The following GRIP1 variants were observed in gnomAD, a reference collection of about 807,000 sequenced individuals.
GRIP1 encodes the protein glutamate receptor-interacting protein 1.
Under a neutral mutation model 129.9 loss-of-function variants are expected in GRIP1, and 45 were observed. The ratio of observed to expected loss-of-function variants is 0.35; its 90% CI spans 0.27 to 0.44. The LOEUF is 0.44. GRIP1 is among the 20% of genes least tolerant of loss of function. GRIP1 has a pLI of 1.00. For missense variants in GRIP1, 1,196 were observed against 1,396.8 expected, an observed-to-expected ratio of 0.86 and a Z score of 2.29; for synonymous variants, 530 against 520.8, an observed-to-expected ratio of 1.02 and a Z score of -0.24.
At chr12:66,379,917 T>C (rs939124724) in intron 19 of GRIP1, among the ~76,000 whole-genome samples, 1 of 152,104 alleles carries the variant, frequency 6.6e-6, no homozygotes, top group Non-Finnish European at 1.5e-5. Flanking sequence ...TTCAAATCTT[T>C]TTTCTTGAGA....
chr12:66,716,490 C>CT (rs563110134), intron 1 of GRIP1, among the ~76,000 whole-genome samples: 146 of 139,296 alleles, frequency 1.0e-3, no homozygotes, highest in Non-Finnish European at 1.6e-3. Context: ...CTTTAGGTTT[C>CT]TTTTTTTTTT....
At chr12:66,949,962 G>C (rs1407009127) in intron 1 of GRIP1, among the ~76,000 whole-genome samples, 1 of 151,196 alleles carries the variant, frequency 6.6e-6, no homozygotes, top group South Asian at 2.1e-4. Flanking sequence ...ATTTTTAGTA[G>C]AGATGGGGTT....
chr12:66,913,481 A>G (rs1592948990), intron 1 of GRIP1, among the ~76,000 whole-genome samples: 1 of 152,244 alleles, frequency 6.6e-6, no homozygotes, highest in East Asian at 1.9e-4. Flanking sequence ...GGTTTTCAGC[A>G]GCAATAATGC....
intron 1 of GRIP1, among the ~76,000 whole-genome samples, chr12:67,021,716 G>A (rs1203878064): frequency 2.0e-5 from 3 of 151,952 alleles, no homozygotes; most frequent in Non-Finnish European, 2.9e-5. Context: ...ATCCCACTGT[G>A]CTACAGAACA....
chr12:67,007,099 A>G (rs190266597), intron 1 of GRIP1, among the ~76,000 whole-genome samples: 26 of 152,350 alleles, frequency 1.7e-4, no homozygotes, highest in African/African-American at 4.6e-4. Flanking sequence ...AGTTGGTGCC[A>G]GTCTAAATGC....
intron 1 of GRIP1, among the ~76,000 whole-genome samples, chr12:66,818,724 G>C (rs1462418644): frequency 1.3e-5 from 2 of 152,082 alleles, no homozygotes. Flanking sequence ...CATGTGTGTG[G>C]TGGCAAAGAA....
chr12:66,691,884 G>A (rs1232968190), intron 1 of GRIP1, among the ~76,000 whole-genome samples: 1 of 152,122 alleles, frequency 6.6e-6, no homozygotes, highest in Non-Finnish European at 1.5e-5. Context: ...CAACCGCTAA[G>A]ACCCACTGCT....
At chr12:66,363,287 A>G (rs2054920215) in intron 23 of GRIP1, among the ~76,000 whole-genome samples, 1 of 144,592 alleles carries the variant, frequency 6.9e-6, no homozygotes, top group Non-Finnish European at 1.5e-5. Context: ...TCTGTCACCC[A>G]GGCTGGGGTA....
intron 1 of GRIP1, among the ~76,000 whole-genome samples, chr12:66,971,581 G>A (rs1018254733): frequency 6.6e-6 from 1 of 152,108 alleles, no homozygotes; most frequent in Non-Finnish European, 1.5e-5. Context: ...GACAGCTATA[G>A]TCCCTGCCCT....
intron 1 of GRIP1, among the ~76,000 whole-genome samples, chr12:66,779,366 G>A (rs1157514292): frequency 6.6e-6 from 1 of 151,976 alleles, no homozygotes; most frequent in African/African-American, 2.4e-5. Flanking sequence ...TTTTAGTTCT[G>A]TATTCAAAAA....
intron 1 of GRIP1, among the ~76,000 whole-genome samples, chr12:67,046,630 T>C (rs770760079): frequency 1.1e-4 from 16 of 152,192 alleles, no homozygotes; most frequent in Non-Finnish European, 2.1e-4. Context: ...ATTTAAAATA[T>C]CTGTATTTTT....
intron 7 of GRIP1, among the ~76,000 whole-genome samples, chr12:66,498,276 A>C (rs1284756521): frequency 6.6e-6 from 1 of 152,226 alleles, no homozygotes; most frequent in Non-Finnish European, 1.5e-5. Flanking sequence ...AAGATGGTCC[A>C]GGCTTTTGGC....
chr12:66,467,312 C>T (rs1299838801), intron 7 of GRIP1, among the ~76,000 whole-genome samples: 3 of 152,270 alleles, frequency 2.0e-5, no homozygotes, highest in East Asian at 1.9e-4. Context: ...TCTCTGCTCT[C>T]GCTCACCTTG....
At chr12:67,019,632 T>C (rs1024107562) in intron 1 of GRIP1, among the ~76,000 whole-genome samples, 1 of 152,142 alleles carries the variant, frequency 6.6e-6, no homozygotes, top group Non-Finnish European at 1.5e-5. Context: ...TTGTTAATAT[T>C]ACTGAACGTT....
At chr12:66,945,574 G>A (rs1167060152) in intron 1 of GRIP1, among the ~76,000 whole-genome samples, 1 of 151,850 alleles carries the variant, frequency 6.6e-6, no homozygotes, top group African/African-American at 2.4e-5. Flanking sequence ...GTGGGAGGGG[G>A]TGGGAGGTGC....
chr12:66,658,200 A>G (rs2033281549), intron 1 of GRIP1, among the ~76,000 whole-genome samples: 1 of 152,246 alleles, frequency 6.6e-6, no homozygotes, highest in Admixed American at 6.5e-5. Flanking sequence ...GAAATCAATA[A>G]GAATGATACA....
chr12:66,524,363 G>A (rs1044663956), intron 5 of GRIP1, among the ~76,000 whole-genome samples: 13 of 152,120 alleles, frequency 8.5e-5, no homozygotes, highest in African/African-American at 2.7e-4. Context: ...TAGAACTCAG[G>A]ATTAAGAAAC....
chr12:66,439,122 C>G (rs1185217257), intron 13 of GRIP1, among the ~76,000 whole-genome samples: 2 of 152,214 alleles, frequency 1.3e-5, no homozygotes, highest in Admixed American at 1.3e-4. Context: ...AAAGCTTCTT[C>G]TGTGGAATTG....
chr12:67,025,616 T>A (rs17103210), intron 1 of GRIP1, among the ~76,000 whole-genome samples: 19,155 of 152,104 alleles, frequency 0.13, 1,284 homozygotes, highest in African/African-American at 0.16. Context: ...TATCTCCTCA[T>A]GGACTTGAAT....
Sources: allele counts gnomAD v4.1 joint callset (sites outside exome capture counted in the v4.1 genomes callset), GRCh38; gene constraint gnomAD v4.1.1; transcripts MANE v1.5; gene names NCBI Gene and HGNC (gene_info 2026-07-23, HGNC 2026-07-21).